Variants in CAST observed in about 807,000 individuals in gnomAD.
The protein encoded by CAST is calpastatin.
In CAST, 76 loss-of-function variants were observed where a neutral mutation model predicts 119.6. The observed-to-expected ratio is 0.64, with a 90% CI of 0.53 to 0.77. The LOEUF is 0.77. Ranked by LOEUF, CAST falls within the 30% of genes least tolerant of loss-of-function variation. CAST has a pLI of 0.00. For missense variants in CAST, 953 were observed against 946.5 expected (o/e 1.01, Z -0.09); for synonymous variants, 319 against 331.6 (o/e 0.96, Z 0.41).
the CAST span, among the ~76,000 whole-genome samples, chr5:96,413,271 GTGC>G: frequency 6.6e-6 from 1 of 152,164 alleles, no homozygotes; most frequent in Non-Finnish European, 1.5e-5. Context: ...GTAGCTCTTT[GTGC>G]TTTCCAACAG....
chr5:96,737,315 A>G, intron 10 of CAST, among the ~76,000 whole-genome samples: 1 of 141,734 alleles, frequency 7.1e-6, no homozygotes, highest in Non-Finnish European at 1.5e-5. Flanking sequence ...AAGCAAGTGA[A>G]CAACAACAAA....
chr5:96,359,424 G>C, the CAST span, among the ~76,000 whole-genome samples: 1 of 152,188 alleles, frequency 6.6e-6, no homozygotes, highest in Non-Finnish European at 1.5e-5. Context: ...TTTCTTCATA[G>C]TGTCAATGGT....
the CAST span, among the ~76,000 whole-genome samples, chr5:96,252,749 T>C: frequency 6.6e-6 from 1 of 152,288 alleles, no homozygotes; most frequent in African/African-American, 2.4e-5. Context: ...GTAATGATAA[T>C]GTTCTGACCT....
chr5:96,709,479 T>C (rs1373879880), intron 3 of CAST, among the ~76,000 whole-genome samples: 1 of 152,248 alleles, frequency 6.6e-6, no homozygotes, highest in African/African-American at 2.4e-5. Context: ...ACCTATCTAT[T>C]TTATTTTTTA....
chr5:96,299,298 A>G, the CAST span, among the ~76,000 whole-genome samples: 1 of 151,516 alleles, frequency 6.6e-6, no homozygotes, highest in African/African-American at 2.4e-5. Flanking sequence ...CAACAAACAA[A>G]CAAAAAACAT....
At chr5:96,527,206 T>C (rs1745609654), upstream of CAST, among the ~76,000 whole-genome samples, 3 of 152,184 alleles carry the variant, frequency 2.0e-5, no homozygotes, top group Admixed American at 1.3e-4. Context: ...AGCTACACAT[T>C]TACATTATCA....
the CAST span, among the ~76,000 whole-genome samples, chr5:96,293,568 G>T: frequency 6.6e-6 from 1 of 152,046 alleles, no homozygotes; most frequent in South Asian, 2.1e-4. Flanking sequence ...GAGCCACCGC[G>T]CCTGGCCTCT....
At chr5:96,759,311 A>G (rs1767137118) in intron 24 of CAST, among the ~76,000 whole-genome samples, 1 of 152,340 alleles carries the variant, frequency 6.6e-6, no homozygotes, top group East Asian at 1.9e-4. Context: ...GCTCTTTGAT[A>G]TAATAGAACA....
chr5:96,140,911 T>C, the CAST span, among the ~76,000 whole-genome samples: 1 of 152,324 alleles, frequency 6.6e-6, no homozygotes, highest in African/African-American at 2.4e-5. Context: ...CCTTACCTCC[T>C]GACTTTTATT....
chr5:96,754,001 A>G (rs1331721049), intron 20 of CAST, 59 bp from the exon 21 acceptor site: 4 of 935,188 alleles, frequency 4.3e-6, no homozygotes, highest in Admixed American at 3.5e-5. Context: ...AATTGATAGC[A>G]TATGTTTTAA....
At chr5:96,158,053 C>T in the CAST span, among the ~76,000 whole-genome samples, 2 of 143,974 alleles carry the variant, frequency 1.4e-5, no homozygotes, top group Non-Finnish European at 3.0e-5. Flanking sequence ...CCCCTTACAC[C>T]CCCCCAAAAC....
chr5:96,722,590 T>C (rs775708415), intron 3 of CAST, 49 bp from the exon 4 acceptor site: 18 of 1,366,462 alleles, frequency 1.3e-5, no homozygotes, highest in Non-Finnish European at 1.9e-5. Context: ...ACCATGTAGA[T>C]TGTAGGTTAA....
the CAST span, among the ~76,000 whole-genome samples, chr5:96,461,014 C>T: frequency 1.2e-4 from 18 of 152,118 alleles, no homozygotes; most frequent in Non-Finnish European, 2.1e-4. Context: ...CATTAGCAAG[C>T]AATCACTCTC....
chr5:96,536,254 G>A (rs1745812985), intron 1 of CAST, among the ~76,000 whole-genome samples: 1 of 152,048 alleles, frequency 6.6e-6, no homozygotes, highest in Admixed American at 6.5e-5. Flanking sequence ...AGTTACTAGG[G>A]AGGCTGAAGC....
chr5:96,508,428 A>T, the CAST span, among the ~76,000 whole-genome samples: 3 of 152,198 alleles, frequency 2.0e-5, no homozygotes, highest in Non-Finnish European at 4.4e-5. Context: ...AGCTACGATT[A>T]TAATAGGAGT....
At chr5:96,412,759 T>TTTTTC in the CAST span, among the ~76,000 whole-genome samples, 1 of 143,524 alleles carries the variant, frequency 7.0e-6, no homozygotes, top group East Asian at 2.0e-4. Context: ...GATGTTTTTT[T>TTTTTC]TTTTTTTTTT....
the CAST span, among the ~76,000 whole-genome samples, chr5:96,497,104 T>C: frequency 2.0e-5 from 3 of 147,496 alleles, no homozygotes; most frequent in Admixed American, 2.1e-4. Context: ...AGTGATAACA[T>C]GTGGTGTTTG....
At chr5:96,072,319 C>T in the CAST span, among the ~76,000 whole-genome samples, 2 of 152,150 alleles carry the variant, frequency 1.3e-5, no homozygotes, top group Non-Finnish European at 1.5e-5. Context: ...GAAACAGCCA[C>T]TGTGTGGAGG....
the CAST span, among the ~76,000 whole-genome samples, chr5:96,509,315 G>T: frequency 6.6e-6 from 1 of 152,122 alleles, no homozygotes; most frequent in Admixed American, 6.5e-5. Flanking sequence ...GAGGTGTCAG[G>T]GTTAATTATT....
Sources: gnomAD v4.1 joint callset for allele counts (sites outside exome capture counted in the v4.1 genomes callset) on GRCh38, gnomAD v4.1.1 for gene constraint, MANE v1.5 for transcripts, NCBI Gene and HGNC (gene_info 2026-07-23, HGNC 2026-07-21) for gene names.